The following PIP4K2A variants were observed in gnomAD, a reference collection of about 807,000 sequenced individuals.
The protein encoded by PIP4K2A is phosphatidylinositol-5-phosphate 4-kinase type 2 alpha, also known as phosphatidylinositol 5-phosphate 4-kinase type-2 alpha.
A neutral mutation model predicts 42.9 loss-of-function variants in PIP4K2A; 14 were observed. The ratio of observed to expected loss-of-function variants is 0.33; its 90% CI spans 0.22 to 0.51. The LOEUF is 0.51. PIP4K2A is among the 20% of genes least tolerant of loss of function. The pLI is 0.97. For synonymous variants in PIP4K2A, 192 were observed against 192.2 expected, an observed-to-expected ratio of 1.00 and a Z score of 0.01; for missense variants, 434 against 519.8, an observed-to-expected ratio of 0.83 and a Z score of 1.61.
chr10:22,635,322 G>C (rs181464536), intron 1 of PIP4K2A, among the ~76,000 whole-genome samples: 2 of 152,172 alleles, frequency 1.3e-5, no homozygotes, highest in African/African-American at 4.8e-5. Context: ...GGATGTCAGT[G>C]GTGGGGAGGC....
At position 22,695,836 on chromosome 10, in the gene PIP4K2A, T is replaced by C. The variant is rs184127359; in HGVS notation, c.144+18347A>G. ...TACTGTATTGGTGCTTTTACTTATA[T>C]TATTTTTCATTTTTTTCCTTTAATA... On this transcript the variant is annotated intron_variant, in intron 1 of 9. Coordinates refer to ENST00000376573, the MANE Select transcript of PIP4K2A (RefSeq NM_005028.5). 1.9e-3 allele frequency among the ~76,000 whole-genome samples: 294 copies of C among 152,312 alleles called. 3 individuals carry two copies. The highest frequency in any genetic ancestry group is 0.014 in the Middle Eastern group (4 of 292).
At chr10:22,560,073 T>C (rs545611013) in intron 6 of PIP4K2A, among the ~76,000 whole-genome samples, 1 of 152,274 alleles carries the variant, frequency 6.6e-6, no homozygotes, top group Non-Finnish European at 1.5e-5. Flanking sequence ...GTGGGAAACT[T>C]TCCCCTGCAC....
intron 1 of PIP4K2A, among the ~76,000 whole-genome samples, chr10:22,636,315 G>C (rs543192273): frequency 6.6e-6 from 1 of 152,276 alleles, no homozygotes; most frequent in East Asian, 1.9e-4. Flanking sequence ...GCAGTGGTAT[G>C]ACCACAGCTC....
chr10:22,560,408 G>A (rs1459489999), intron 6 of PIP4K2A, among the ~76,000 whole-genome samples: 1 of 152,178 alleles, frequency 6.6e-6, no homozygotes, highest in African/African-American at 2.4e-5. Context: ...ATTATAATTT[G>A]TTACAATTTA....
intron 1 of PIP4K2A, among the ~76,000 whole-genome samples, chr10:22,685,744 GT>G (rs1005851810): frequency 1.3e-5 from 2 of 151,954 alleles, no homozygotes; most frequent in African/African-American, 4.8e-5. Context: ...AAGAGAAGAA[GT>G]GGGGGTGGCG....
chr10:22,681,835 C>T (rs188069397), intron 1 of PIP4K2A, among the ~76,000 whole-genome samples: 49 of 152,172 alleles, frequency 3.2e-4, no homozygotes, highest in Non-Finnish European at 6.0e-4. Context: ...CTAGGCTCTG[C>T]GGGCCACACA....
Position 22,644,829 on chromosome 10 carries a change from A to C in PIP4K2A, c.145-35112T>G, listed in dbSNP as rs1211746484. ...TTAGTGGACAGGCCATAAATATTCA[A>C]TAAATAAATGAACTAAATGAACCAA... On this transcript the variant is annotated intron_variant, in intron 1 of 9. Transcript: ENST00000376573. Among the ~76,000 whole-genome samples the C allele has an allele frequency of 2.0e-5, 3 of 152,242 alleles. No homozygotes were observed. In the East Asian group the frequency reaches 5.8e-4, roughly 29 times the overall value.
At chr10:22,593,103 C>A (rs7907744) in intron 3 of PIP4K2A, among the ~76,000 whole-genome samples, 137,388 of 152,258 alleles carry the variant, frequency 0.9, 62,123 homozygotes, top group East Asian at 0.97. Context: ...AGGTAGAATC[C>A]ATTGCAGCAG....
Position 22,550,656 on chromosome 10 carries a change from T to C in PIP4K2A, c.792+3A>G. The C allele has an allele frequency of 6.8e-7, 1 of 1,461,572 alleles. No individual in the cohort carries two copies. Among genetic ancestry groups the C allele is most frequent in the Non-Finnish European group, 9.6e-7 (1 of 1,039,792 alleles). The allele number at this position is 1,461,572 out of a possible 1,614,324, so 90.5% of individuals were successfully genotyped here. ...GTCTGGCCTCTCCACTGACTGTTCT[T>C]ACCTCAACATCCTTTTTTAGTTTTT... On this transcript the variant is annotated splice_donor_region_variant and intron_variant, in intron 7 of 9. Coordinates refer to ENST00000376573, the MANE Select transcript of PIP4K2A (RefSeq NM_005028.5).
intron 7 of PIP4K2A, among the ~76,000 whole-genome samples, chr10:22,549,811 A>G (rs1836353421): frequency 8.0e-6 from 1 of 125,716 alleles, no homozygotes; most frequent in Non-Finnish European, 1.6e-5. Context: ...ACTGCACTCC[A>G]GCCTAGAAGA....
chr10:22,617,554 T>C (rs1222412434), intron 1 of PIP4K2A, among the ~76,000 whole-genome samples: 1 of 152,216 alleles, frequency 6.6e-6, no homozygotes, highest in African/African-American at 2.4e-5. Flanking sequence ...CAGCCAAGAA[T>C]ATGCAAAAAG....
At chr10:22,562,352 TC>T (rs1176849028) in intron 6 of PIP4K2A, among the ~76,000 whole-genome samples, 1 of 152,128 alleles carries the variant, frequency 6.6e-6, no homozygotes, top group African/African-American at 2.4e-5. Context: ...ATCGAGACCA[TC>T]CTGGCTAACA....
chr10:22,678,008 C>A (rs1182613185), intron 1 of PIP4K2A, among the ~76,000 whole-genome samples: 2 of 152,186 alleles, frequency 1.3e-5, no homozygotes, highest in Non-Finnish European at 2.9e-5. Context: ...AAATGAATAG[C>A]TGACCATTAA....
chr10:22,644,124 G>A (rs1838834208), intron 1 of PIP4K2A, among the ~76,000 whole-genome samples: 1 of 152,114 alleles, frequency 6.6e-6, no homozygotes, highest in Admixed American at 6.5e-5. Flanking sequence ...CCTGCAACCA[G>A]CTCCTGCTCA....
intron 3 of PIP4K2A, among the ~76,000 whole-genome samples, chr10:22,596,579 C>T (rs1403071973): frequency 1.3e-5 from 2 of 152,268 alleles, no homozygotes; most frequent in East Asian, 3.9e-4. Flanking sequence ...TGTTTTGTTG[C>T]AAAGGAAAAA....
intron 1 of PIP4K2A, among the ~76,000 whole-genome samples, chr10:22,681,686 A>T (rs192368094): frequency 6.6e-6 from 1 of 152,074 alleles, no homozygotes; most frequent in African/African-American, 2.4e-5. Context: ...AAAAAAAAAT[A>T]AAATAAATAA....
At position 22,541,969 on chromosome 10, in the gene PIP4K2A, C is replaced by A. The variant is rs199987181; in HGVS notation, c.871G>T (p.Val291Leu). 16 of 1,614,168 alleles carry A rather than the reference C, an allele frequency of 9.9e-6. No homozygotes were observed. The African/African-American group carries it at 2.1e-4, about 22-fold the overall frequency. ...TCCCCATCGTTCTCCTCACACTCCA[C>A]TTCCTCCTGTTCGGCTCTCTCCACA... is the stretch of plus-strand genomic sequence containing the variant. ...HDVERAEQEE[V>L]ECEENDGEEE... is the part of the protein sequence containing the mutation. Residue 291 changes from valine (V) to leucine (L), a missense_variant, in exon 8 of 10, where the codon GTG (valine) becomes TTG (leucine). Physicochemically the swap from Val to Leu is conservative, Grantham distance 32. Around this residue, in one of 2 missense-constraint regions of PIP4K2A, gnomAD observed 395 missense variants for 444.5 expected, o/e 0.89. Coordinates refer to ENST00000376573, the MANE Select transcript of PIP4K2A (RefSeq NM_005028.5).
intron 6 of PIP4K2A, among the ~76,000 whole-genome samples, chr10:22,560,630 C>A (rs890973082): frequency 6.6e-6 from 1 of 152,164 alleles, no homozygotes; most frequent in Non-Finnish European, 1.5e-5. Context: ...ATGATTATTG[C>A]CAATACAGTT....
chr10:22,712,238 C>T (rs1485503406), intron 1 of PIP4K2A, among the ~76,000 whole-genome samples: 2 of 152,088 alleles, frequency 1.3e-5, no homozygotes, highest in Non-Finnish European at 2.9e-5. Flanking sequence ...AACTCTAAAA[C>T]AAATGTAGCA....
Sources: allele counts gnomAD v4.1 joint callset (sites outside exome capture counted in the v4.1 genomes callset), GRCh38; gene constraint gnomAD v4.1.1; regional missense constraint gnomAD v4.1.1; transcripts MANE v1.5; gene names NCBI Gene and HGNC (gene_info 2026-07-23, HGNC 2026-07-21).